TMX2: variants seen among roughly 807,000 people sequenced by gnomAD.
TMX2 encodes the protein thioredoxin related transmembrane protein 2.
In TMX2, 20 loss-of-function variants were observed where a neutral mutation model predicts 33.4. The observed-to-expected ratio is 0.60, with a 90% CI of 0.42 to 0.87. The LOEUF is 0.87. Among genes scored for constraint, TMX2 ranks in the 40% least tolerant of loss-of-function variants. The pLI is 0.00. For missense variants in TMX2, 340 were observed against 370.7 expected (o/e 0.92, Z 0.68); for synonymous variants, 166 against 140.7 (o/e 1.18, Z -1.27).
At chr11:57,730,560 A>C (rs1948309302) in intron 1 of TMX2, among the ~76,000 whole-genome samples, 1 of 151,256 alleles carries the variant, frequency 6.6e-6, no homozygotes, top group African/African-American at 2.4e-5. Context: ...AACATGGCAA[A>C]ACTCCGTCTC....
chr11:57,734,629 T>G (rs972729453), intron 1 of TMX2, among the ~76,000 whole-genome samples: 4 of 151,388 alleles, frequency 2.6e-5, no homozygotes, highest in Non-Finnish European at 4.4e-5. Flanking sequence ...GTGCCTGTAA[T>G]CCCAGCTACT....
chr11:57,718,653 CTTTT>C (rs35097323), intron 1 of TMX2: 1,216 of 206,964 alleles, frequency 5.9e-3, no homozygotes, highest in South Asian at 9.5e-3. Context: ...AACCCCCCCT[CTTTT>C]TTTTTTTTTT....
At chr11:57,716,765 C>T (rs1209838319) in intron 1 of TMX2, among the ~76,000 whole-genome samples, 4 of 148,774 alleles carry the variant, frequency 2.7e-5, no homozygotes, top group African/African-American at 9.9e-5. Flanking sequence ...CAGAGGGGCT[C>T]CTCACTTCCC....
At chr11:57,736,340 T>TA (rs71061538) in intron 1 of TMX2, among the ~76,000 whole-genome samples, 10 of 145,340 alleles carry the variant, frequency 6.9e-5, no homozygotes, top group African/African-American at 2.3e-4. Context: ...GCTGATGAGC[T>TA]AAAAAAAAAA....
Position 57,740,153 on chromosome 11 carries a change from C to T in TMX2, c.799C>T (p.Leu267=), listed in dbSNP as rs367769512. The T allele has an allele frequency of 1.8e-5, 29 of 1,613,872 alleles. No homozygotes were observed. The highest frequency in any genetic ancestry group is 2.4e-5 in the Non-Finnish European group (28 of 1,179,888). ...TGAGCTATACCAGCGGGCCAAGAAA[C>T]TATCAAAGGCTGGAGACAATATCCC... The part of the protein sequence containing the change: ...LNELYQRAKK[L]SKAGDNIPEE... The change falls in exon 8 of 8, where the codon CTA becomes TTA. Residue 267 remains leucine, a synonymous_variant. Transcript: ENST00000278422.
At chr11:57,740,005 C>T in intron 7 of TMX2, 94 bp from the exon 8 acceptor site, 1 of 1,571,676 alleles carries the variant, frequency 6.4e-7, no homozygotes, top group Non-Finnish European at 8.6e-7. Flanking sequence ...TTACTCCTTC[C>T]TTTCCCAGAC....
rs1236771343 is a variant in TMX2, at chr11:57,731,017, ATTGAG to A, written c.190-6588_190-6584del. Among the ~76,000 whole-genome samples, 16 of 151,670 alleles carry A rather than the reference ATTGAG, an allele frequency of 1.1e-4. No homozygotes were observed. The East Asian group carries it at 3.1e-3, about 29-fold the overall frequency. On this transcript the variant is annotated intron_variant, in intron 1 of 7. Transcript: ENST00000278422. ...GTTAAAACAAGATTTTATTACAAAT[ATTGAG>A]TTATTTTTAATTCAATAAATTTTTA...
chr11:57,714,904 C>A (rs910777414), intron 1 of TMX2, among the ~76,000 whole-genome samples: 1 of 151,894 alleles, frequency 6.6e-6, no homozygotes, highest in Non-Finnish European at 1.5e-5. Flanking sequence ...TAAAAAAGGC[C>A]GTTTTAATTT....
chr11:57,731,289 GC>G (rs1948386850), intron 1 of TMX2, among the ~76,000 whole-genome samples: 1 of 151,110 alleles, frequency 6.6e-6, no homozygotes, highest in African/African-American at 2.4e-5. Flanking sequence ...ATGCGCCACT[GC>G]ACCCAGCTAA....
chr11:57,733,351 G>T (rs1948519963), intron 1 of TMX2, among the ~76,000 whole-genome samples: 1 of 150,308 alleles, frequency 6.7e-6, no homozygotes, highest in Non-Finnish European at 1.5e-5. Flanking sequence ...CGCCTCTCGG[G>T]TTCAAGCGAT....
rs201985105 is a variant in TMX2, at chr11:57,712,646, C to G, written c.28C>G (p.Leu10Val). 4 of 1,614,004 alleles carry G rather than the reference C, an allele frequency of 2.5e-6. No homozygotes were observed. The highest frequency in any genetic ancestry group is 2.2e-5 in the East Asian group (1 of 44,894). MAVLAPLIA[L>V]VYSVPRLSRW... ...GGCGGTCTTGGCACCTCTAATTGCT[C>G]TCGTGTATTCGGTGCCGCGACTTTC... The change falls in exon 1 of 8, where the codon CTC becomes GTC. Residue 10 changes from leucine (L) to valine (V), a missense_variant. Leu to Val is a conservative substitution (Grantham distance 32). This residue lies in a region of TMX2 where 106 missense variants were observed against 82.7 expected (regional missense o/e 1.28). Coordinates refer to ENST00000278422, the MANE Select transcript of TMX2 (RefSeq NM_015959.4).
chr11:57,728,630 G>A (rs1230033021), intron 1 of TMX2, among the ~76,000 whole-genome samples: 1 of 152,122 alleles, frequency 6.6e-6, no homozygotes, highest in Non-Finnish European at 1.5e-5. Flanking sequence ...ATTGTAGTTT[G>A]GGTATGCATT....
At chr11:57,719,196 C>T (rs186749669) in intron 1 of TMX2, among the ~76,000 whole-genome samples, 283 of 151,002 alleles carry the variant, frequency 1.9e-3, no homozygotes, top group African/African-American at 5.4e-3. Context: ...CCACCACGCC[C>T]GGCTAATTTT....
chr11:57,735,814 A>T (rs1948719978), intron 1 of TMX2, among the ~76,000 whole-genome samples: 1 of 152,206 alleles, frequency 6.6e-6, no homozygotes, highest in Non-Finnish European at 1.5e-5. Context: ...CTCTCAAGTC[A>T]AAAGGTGAAG....
At chr11:57,719,713 C>A (rs981224866) in intron 1 of TMX2, among the ~76,000 whole-genome samples, 1 of 151,412 alleles carries the variant, frequency 6.6e-6, no homozygotes, top group Non-Finnish European at 1.5e-5. Context: ...GATGGGGTTT[C>A]GCCATGTTGC....
intron 1 of TMX2, among the ~76,000 whole-genome samples, chr11:57,713,095 A>G (rs1055711314): frequency 2.0e-5 from 3 of 152,212 alleles, no homozygotes; most frequent in Non-Finnish European, 2.9e-5. Flanking sequence ...TAACAGCCCT[A>G]TCAAAACTGT....
intron 6 of TMX2, 21 bp downstream of exon 6, chr11:57,739,060 AGGGTCTGAGCAG>A (rs746358434): frequency 5.0e-6 from 8 of 1,614,082 alleles, no homozygotes; most frequent in Non-Finnish European, 6.8e-6. Flanking sequence ...ACCTGGGCAG[AGGGTCTGAGCAG>A]GGAAATCACT....
At chr11:57,717,415 T>G (rs898326144) in intron 1 of TMX2, among the ~76,000 whole-genome samples, 1 of 151,646 alleles carries the variant, frequency 6.6e-6, no homozygotes. Flanking sequence ...TGGGCACCAT[T>G]GAGCACTGAG....
chr11:57,718,280 A>G, intron 1 of TMX2: 3 of 1,548,422 alleles, frequency 1.9e-6, no homozygotes, highest in Middle Eastern at 1.7e-4. Context: ...TGAAGTTCTC[A>G]TCATCAAATT....
Sources: allele counts gnomAD v4.1 joint callset (sites outside exome capture counted in the v4.1 genomes callset), GRCh38; gene constraint gnomAD v4.1.1; regional missense constraint gnomAD v4.1.1; transcripts MANE v1.5; gene names NCBI Gene and HGNC (gene_info 2026-07-23, HGNC 2026-07-21).